The following ESRRB variants were observed in gnomAD, a reference collection of about 807,000 sequenced individuals.
ESRRB encodes the protein estrogen related receptor beta.
In ESRRB, 16 loss-of-function variants were observed where a neutral mutation model predicts 46.0. That is an observed-to-expected ratio of 0.35 (90% CI 0.24 to 0.53). The LOEUF (loss-of-function observed/expected upper bound fraction) is 0.53, where lower values mean the gene tolerates loss of function less well. ESRRB is among the 20% of genes least tolerant of loss of function. The pLI is 0.93. For missense variants in ESRRB, 488 were observed against 607.4 expected (o/e 0.80, Z 2.07); for synonymous variants, 246 against 259.6 (o/e 0.95, Z 0.50).
upstream of ESRRB, among the ~76,000 whole-genome samples, chr14:76,375,811 G>A (rs1884739046): frequency 6.6e-6 from 1 of 152,172 alleles, no homozygotes. Context: ...CCAGTTAAAA[G>A]ATGGGATAGG....
In ESRRB at chr14:76,402,673, G is replaced by A. The variant is rs375528277; in HGVS notation, c.50+26222G>A. On this transcript the variant is annotated intron_variant, in intron 1 of 6. Transcript: ENST00000644823. ...CATCCCAAAGTGAAAGGACTCAAGAGAGAACTTTCTGGGAATTCTTTCTTT... is the reference window on the plus strand; with the variant it reads ...CATCCCAAAGTGAAAGGACTCAAGAAAGAACTTTCTGGGAATTCTTTCTTT... Among the ~76,000 whole-genome samples, 132 of 152,258 alleles carry A rather than the reference G, an allele frequency of 8.7e-4. 2 individuals are homozygous for A. The South Asian group carries it at 0.026, about 30-fold the overall frequency.
At chr14:76,348,078 A>G (rs1884270937) in intron 1 of ESRRB, among the ~76,000 whole-genome samples, 1 of 152,158 alleles carries the variant, frequency 6.6e-6, no homozygotes, top group Non-Finnish European at 1.5e-5. Context: ...TGCAAAAGTA[A>G]TTGTGAGTTT....
chr14:76,387,943 T>C (rs1217255315), intron 1 of ESRRB, among the ~76,000 whole-genome samples: 1 of 152,148 alleles, frequency 6.6e-6, no homozygotes, highest in Admixed American at 6.5e-5. Context: ...CTAAGAATAT[T>C]TCATGTATGA....
chr14:76,436,601 G>C (rs1363621445), intron 1 of ESRRB, among the ~76,000 whole-genome samples: 2 of 152,340 alleles, frequency 1.3e-5, no homozygotes, highest in East Asian at 3.9e-4. Context: ...TATTCTGCCT[G>C]CCTCGTGGAA....
chr14:76,436,592 A>G (rs1174503628), intron 1 of ESRRB, among the ~76,000 whole-genome samples: 1 of 152,160 alleles, frequency 6.6e-6, no homozygotes, highest in Non-Finnish European at 1.5e-5. Context: ...GGTCAGCTCT[A>G]TTCTGCCTGC....
intron 2 of ESRRB, among the ~76,000 whole-genome samples, chr14:76,457,035 C>T (rs1888644078): frequency 6.6e-6 from 1 of 152,132 alleles, no homozygotes; most frequent in South Asian, 2.1e-4. Context: ...GCTTAGCAAC[C>T]CCCTTCCTGA....
At chr14:76,476,716 G>C (rs1889598372) in intron 3 of ESRRB, among the ~76,000 whole-genome samples, 1 of 151,228 alleles carries the variant, frequency 6.6e-6, no homozygotes, top group Non-Finnish European at 1.5e-5. Flanking sequence ...ATTGCACAAA[G>C]TTCTCAGCCA....
intron 1 of ESRRB, among the ~76,000 whole-genome samples, chr14:76,358,137 C>A (rs937397407): frequency 5.3e-5 from 8 of 151,590 alleles, no homozygotes; most frequent in African/African-American, 1.9e-4. Flanking sequence ...CATGGCAAAA[C>A]CCCGTCTCTA....
intron 1 of ESRRB, among the ~76,000 whole-genome samples, chr14:76,321,478 A>G (rs1176982393): frequency 1.3e-5 from 2 of 152,142 alleles, no homozygotes; most frequent in African/African-American, 4.8e-5. Flanking sequence ...CTTTTGCTCT[A>G]TATTGTGAAA....
intron 1 of ESRRB, among the ~76,000 whole-genome samples, chr14:76,405,586 A>G (rs567709024): frequency 7.2e-5 from 11 of 152,174 alleles, no homozygotes; most frequent in Non-Finnish European, 1.5e-4. Flanking sequence ...GTGAGACCTC[A>G]GGAAAATGGA....
At chr14:76,468,177 A>G (rs2093805293) in intron 3 of ESRRB, among the ~76,000 whole-genome samples, 1 of 152,204 alleles carries the variant, frequency 6.6e-6, no homozygotes. Flanking sequence ...CCTCTAGCCC[A>G]TGCCAGAAAT....
intron 1 of ESRRB, among the ~76,000 whole-genome samples, chr14:76,428,498 CAG>C (rs2139905850): frequency 6.6e-6 from 1 of 152,214 alleles, no homozygotes; most frequent in African/African-American, 2.4e-5. Flanking sequence ...GGTCAGAGCC[CAG>C]AGCTGGCCAA....
intron 5 of ESRRB, among the ~76,000 whole-genome samples, chr14:76,484,613 A>G (rs528188989): frequency 3.3e-5 from 5 of 150,992 alleles, no homozygotes; most frequent in Non-Finnish European, 7.4e-5. Flanking sequence ...CCACAACCCC[A>G]CCCCTGCAAC....
chr14:76,418,316 C>G (rs1481586824), intron 1 of ESRRB, among the ~76,000 whole-genome samples: 1 of 152,060 alleles, frequency 6.6e-6, no homozygotes, highest in Non-Finnish European at 1.5e-5. Flanking sequence ...GAAAAATTGC[C>G]AAGATAGTGC....
chr14:76,462,513 C>G (rs951113656), intron 2 of ESRRB, 32 bp from the exon 3 acceptor site: 2 of 1,574,366 alleles, frequency 1.3e-6, no homozygotes, highest in Non-Finnish European at 1.7e-6. Context: ...GGGCGGCCAG[C>G]ACCCGGCAAC....
Position 76,500,585 on chromosome 14 carries a change from C to A in ESRRB, c.*2127C>A. The A allele has an allele frequency of 9.2e-7, 1 of 1,081,350 alleles. No homozygotes were observed. The highest frequency in any genetic ancestry group is 1.4e-6 in the Non-Finnish European group (1 of 701,380). 67.0% of individuals were successfully genotyped at this position (1,081,350 alleles called of 1,614,324 possible). A position where few individuals can be genotyped will look rare whatever the true frequency, so the allele number is the denominator to read the frequency against. On this transcript the variant is annotated 3_prime_UTR_variant, in exon 7 of 7. Coordinates refer to ENST00000644823, the MANE Select transcript of ESRRB (RefSeq NM_001379180.1). ...CCTCAGTCTCTCACTGTGCTGTGTCCTTGCAGCGGGGCCGAGGTAGCACCC... is the reference window on the plus strand; with the variant it reads ...CCTCAGTCTCTCACTGTGCTGTGTCATTGCAGCGGGGCCGAGGTAGCACCC...
At chr14:76,442,749 G>A (rs1887970614) in intron 2 of ESRRB, among the ~76,000 whole-genome samples, 1 of 150,782 alleles carries the variant, frequency 6.6e-6, no homozygotes, top group Non-Finnish European at 1.5e-5. Flanking sequence ...TAATTGTTTT[G>A]ATCTAACAGG....
At chr14:76,419,893 A>C (rs1197367660) in intron 1 of ESRRB, among the ~76,000 whole-genome samples, 1 of 152,068 alleles carries the variant, frequency 6.6e-6, no homozygotes, top group Non-Finnish European at 1.5e-5. Context: ...TCTGGGGTGG[A>C]TGTGGGCAGG....
At position 76,407,661 on chromosome 14, in the gene ESRRB, G is replaced by A. The variant is rs184385015; in HGVS notation, c.50+31210G>A. ...GATTCACACTCAGTCCAAAACCCTC[G>A]TGGCTGAGCATTGATGCAGACCATG... On this transcript the variant is annotated intron_variant, in intron 1 of 6. Transcript: ENST00000644823. 1.6e-4 allele frequency: 140 copies of A among 883,930 alleles called. 1 individual carries two copies. In the South Asian group the frequency reaches 2.7e-3, roughly 17 times the overall value. The allele number at this position is 883,930 out of a possible 1,614,324, so 54.8% of individuals were successfully genotyped here. A position where few individuals can be genotyped will look rare whatever the true frequency, so the allele number is the denominator to read the frequency against.
Sources: gnomAD v4.1 joint callset for allele counts (sites outside exome capture counted in the v4.1 genomes callset) on GRCh38, gnomAD v4.1.1 for gene constraint, MANE v1.5 for transcripts, NCBI Gene and HGNC (gene_info 2026-07-23, HGNC 2026-07-21) for gene names.